STK35: variants seen among roughly 807,000 people sequenced by gnomAD.
STK35 encodes serine/threonine kinase 35.
A neutral mutation model predicts 37.3 loss-of-function variants in STK35; 17 were observed. The observed-to-expected ratio is 0.46, with a 90% confidence interval of 0.31 to 0.68. The LOEUF (loss-of-function observed/expected upper bound fraction) is 0.68, where lower values mean the gene tolerates loss of function less well. STK35 is among the 30% of genes least tolerant of loss of function. STK35 has a pLI of 0.05. For synonymous variants in STK35, 385 were observed against 319.1 expected, an observed-to-expected ratio of 1.21 and a Z score of -2.20; for missense variants, 595 against 746.7, an observed-to-expected ratio of 0.80 and a Z score of 2.37.
chr20:2,106,762 C>G (rs559362646), intron 2 of STK35, among the ~76,000 whole-genome samples: 1 of 152,172 alleles, frequency 6.6e-6, no homozygotes, highest in African/African-American at 2.4e-5. Context: ...GTTTGATAGC[C>G]TTAAATGCAT....
intron 2 of STK35, among the ~76,000 whole-genome samples, chr20:2,109,205 G>A (rs1250200409): frequency 2.0e-5 from 3 of 152,292 alleles, no homozygotes; most frequent in African/African-American, 7.2e-5. Context: ...CAGCTGCCAG[G>A]AATGTGGACT....
At position 2,102,153 on chromosome 20, in the gene STK35, G is replaced by A. The variant is rs1439118817; in HGVS notation, c.272G>A (p.Arg91Gln). 1.5e-6 allele frequency: 2 copies of A among 1,370,590 alleles called. No individual in the cohort carries two copies. Among genetic ancestry groups the A allele is most frequent in the African/African-American group, 1.5e-5 (1 of 65,564 alleles). The allele number at this position is 1,370,590 out of a possible 1,614,324, so 84.9% of individuals were successfully genotyped here. The change falls in exon 1 of 4, where the codon CGG (arginine) becomes CAG (glutamine). Residue 91 changes from arginine (R) to glutamine (Q), a missense_variant. Arg to Gln is a conservative substitution (Grantham distance 43, BLOSUM62 1). Coordinates refer to ENST00000381482, the MANE Select transcript of STK35 (RefSeq NM_080836.4). ...AGAPGGKRAA[R>Q]KWRCAGQVTI... is the part of the protein sequence containing the mutation. ...GCTCCAGGGGGGAAACGGGCCGCCCGGAAGTGGAGGTGCGCGGGCCAGGTA... is the reference window on the plus strand; with the variant it reads ...GCTCCAGGGGGGAAACGGGCCGCCCAGAAGTGGAGGTGCGCGGGCCAGGTA...
At chr20:2,120,702 C>T (rs1039141211) in intron 3 of STK35, among the ~76,000 whole-genome samples, 1 of 152,218 alleles carries the variant, frequency 6.6e-6, no homozygotes, top group Non-Finnish European at 1.5e-5. Context: ...TTTGGAAACT[C>T]TTTCCAAGTA....
At chr20:2,142,873 G>A (rs192185146) in intron 3 of STK35, among the ~76,000 whole-genome samples, 1 of 152,290 alleles carries the variant, frequency 6.6e-6, no homozygotes, top group Admixed American at 6.5e-5. Context: ...CAGAGTGGGC[G>A]CTGCCCAAGA....
intron 3 of STK35, among the ~76,000 whole-genome samples, chr20:2,134,639 C>T (rs979000914): frequency 2.0e-5 from 3 of 151,950 alleles, no homozygotes; most frequent in African/African-American, 7.3e-5. Flanking sequence ...GCCTGTAATC[C>T]CAGCACTTTG....
intron 2 of STK35, among the ~76,000 whole-genome samples, chr20:2,114,056 C>T (rs985852596): frequency 6.6e-6 from 1 of 152,150 alleles, no homozygotes; most frequent in African/African-American, 2.4e-5. Flanking sequence ...CACCAAGTGC[C>T]TCCGAGTGCC....
chr20:2,103,123 A>G lies in STK35; in HGVS notation c.650A>G (p.Tyr217Cys). ...EIGRGSYGVV[Y>C]EAVAGRSGAR... ...GGGCGCGGCAGCTACGGCGTGGTTT[A>G]TGAGGCAGTGGCCGGGCGCAGCGGG... is the stretch of plus-strand genomic sequence containing the variant. Residue 217 changes from tyrosine to cysteine, a missense_variant, in exon 2 of 4, where the codon TAT (tyrosine) becomes TGT (cysteine). Tyr to Cys is a radical substitution (Grantham distance 194). This residue lies in a region of STK35 where 97 missense variants were observed against 146.4 expected (regional missense o/e 0.66). Transcript: ENST00000381482. The G allele has an allele frequency of 6.2e-7, 1 of 1,603,294 alleles. No individual in the cohort carries two copies. Among genetic ancestry groups the G allele is most frequent in the Non-Finnish European group, 8.5e-7 (1 of 1,178,964 alleles).
chr20:2,119,449 G>A (rs6137042), intron 3 of STK35, among the ~76,000 whole-genome samples: 43,831 of 152,132 alleles, frequency 0.29, 7,930 homozygotes, highest in East Asian at 0.93. Flanking sequence ...AAACCCAAAG[G>A]TATTTATAGG....
intron 3 of STK35, among the ~76,000 whole-genome samples, chr20:2,120,482 A>T (rs561404315): frequency 2.0e-5 from 3 of 152,190 alleles, no homozygotes; most frequent in Non-Finnish European, 4.4e-5. Context: ...TTAGGTGGGC[A>T]CTTAGAATTG....
chr20:2,133,666 G>T (rs926430889), intron 3 of STK35, among the ~76,000 whole-genome samples: 1 of 152,172 alleles, frequency 6.6e-6, no homozygotes, highest in African/African-American at 2.4e-5. Flanking sequence ...CCTGCCTGCT[G>T]GTCACCACGG....
At chr20:2,140,549 CTCTT>C (rs1396162436) in intron 3 of STK35, among the ~76,000 whole-genome samples, 1 of 152,186 alleles carries the variant, frequency 6.6e-6, no homozygotes, top group African/African-American at 2.4e-5. Flanking sequence ...GGGAAAAATG[CTCTT>C]TCTGTGATGG....
At position 2,102,968 on chromosome 20, in the gene STK35, G is replaced by T; in HGVS notation, c.495G>T (p.Arg165Ser). The change falls in exon 2 of 4, where the codon AGG (arginine) becomes AGT (serine). Residue 165 changes from arginine to serine, a missense_variant. Arg to Ser is a moderately radical substitution (Grantham distance 110). Around this residue, in one of 3 missense-constraint regions of STK35, gnomAD observed 389 missense variants for 320.0 expected, o/e 1.22. Coordinates refer to ENST00000381482, the MANE Select transcript of STK35 (RefSeq NM_080836.4). ...CGCGGGCGCCCAGCACGAAGCTGAG[G>T]CCGGCGGCGGCGGCCCGGGCCATGG... is the stretch of plus-strand genomic sequence containing the variant. Reference protein sequence around the residue: ...PVPRAPSTKLRPAAAARAMDP... With the variant: ...PVPRAPSTKLSPAAAARAMDP... The T allele has an allele frequency of 1.4e-6, 2 of 1,433,296 alleles. No homozygotes were observed. The highest frequency in any genetic ancestry group is 1.8e-6 in the Non-Finnish European group (2 of 1,099,838). 88.8% of individuals were successfully genotyped at this position (1,433,296 alleles called of 1,614,324 possible). A position where few individuals can be genotyped will look rare whatever the true frequency, so the allele number is the denominator to read the frequency against.
At position 2,116,676 on chromosome 20, in the gene STK35, C is replaced by T. The variant is rs1214133854; in HGVS notation, c.903C>T (p.Ile301=). 6.2e-7 allele frequency: 1 copy of T among 1,612,732 alleles called. No homozygotes were observed. The highest frequency in any genetic ancestry group is 8.5e-7 in the Non-Finnish European group (1 of 1,178,954). ...TCTTCTTTGATTTAGGAGAAAGGATCCTGGGTTATGCTGAGGAGCCCTGCT... is the reference window on the plus strand; with the variant it reads ...TCTTCTTTGATTTAGGAGAAAGGATTCTGGGTTATGCTGAGGAGCCCTGCT... ...LVETSLKGER[I]LGYAEEPCYL... The change falls in exon 3 of 4, where the codon ATC becomes ATT. Residue 301 remains isoleucine, a synonymous_variant. Coordinates refer to ENST00000381482, the MANE Select transcript of STK35 (RefSeq NM_080836.4).
At chr20:2,123,986 C>A (rs189757807) in intron 3 of STK35, among the ~76,000 whole-genome samples, 2 of 152,332 alleles carry the variant, frequency 1.3e-5, no homozygotes, top group Non-Finnish European at 2.9e-5. Flanking sequence ...ACTGATAATT[C>A]ATTTACTTAC....
chr20:2,111,207 G>A (rs1013632821), intron 2 of STK35, among the ~76,000 whole-genome samples: 2 of 152,090 alleles, frequency 1.3e-5, no homozygotes, highest in Non-Finnish European at 2.9e-5. Flanking sequence ...GTCTCCCATC[G>A]CCAACCCCTC....
chr20:2,130,418 T>C (rs553129468), intron 3 of STK35, among the ~76,000 whole-genome samples: 1 of 152,318 alleles, frequency 6.6e-6, no homozygotes, highest in African/African-American at 2.4e-5. Context: ...CTTCTGTCCT[T>C]ATTTGCATCT....
chr20:2,114,822 C>G (rs1985686174), intron 2 of STK35, among the ~76,000 whole-genome samples: 1 of 152,202 alleles, frequency 6.6e-6, no homozygotes, highest in African/African-American at 2.4e-5. Context: ...TTTATTCCCC[C>G]ACCAGAAGTT....
chr20:2,115,307 C>CG (rs1258955612), intron 2 of STK35, among the ~76,000 whole-genome samples: 1 of 152,148 alleles, frequency 6.6e-6, no homozygotes, highest in African/African-American at 2.4e-5. Context: ...TCACCTAGAT[C>CG]ACTCGTTTTC....
chr20:2,102,171 G>C lies in STK35; in HGVS notation c.290G>C (p.Gly97Ala), dbSNP rs1271550395. 2 of 1,383,328 alleles carry C rather than the reference G, an allele frequency of 1.4e-6. No homozygotes were observed. Among genetic ancestry groups the C allele is most frequent in the South Asian group, 3.1e-5 (2 of 63,608 alleles). 85.7% of individuals were successfully genotyped at this position (1,383,328 alleles called of 1,614,324 possible). The change falls in exon 1 of 4, where the codon GGC becomes GCC. Residue 97 changes from glycine to alanine, a missense_variant. Around this residue, in one of 3 missense-constraint regions of STK35, gnomAD observed 389 missense variants for 320.0 expected, o/e 1.22. Transcript: ENST00000381482. ...KRAARKWRCA[G>A]QVTIQGPAPP... is the part of the protein sequence containing the mutation. ...GCCGCCCGGAAGTGGAGGTGCGCGG[G>C]CCAGGTAAGGGCGCCGTTGGAGGAC...
Sources: gnomAD v4.1 joint callset for allele counts (sites outside exome capture counted in the v4.1 genomes callset) on GRCh38, gnomAD v4.1.1 for gene constraint, gnomAD v4.1.1 regional missense constraint, MANE v1.5 for transcripts, NCBI Gene and HGNC (gene_info 2026-07-23, HGNC 2026-07-21) for gene names.